Variants in DPYS observed in about 807,000 individuals in gnomAD.
DPYS encodes dihydropyrimidine amidohydrolase.
DPYS carries 39 observed loss-of-function variants against 50.3 expected under a neutral mutation model. That is an observed-to-expected ratio of 0.78 (90% confidence interval 0.60 to 1.01). The LOEUF is 1.01. Ranked by LOEUF, DPYS falls within the 50% of genes least tolerant of loss-of-function variation. The pLI, the probability that DPYS is intolerant of heterozygous loss-of-function variation, is 0.00. For missense variants in DPYS, 659 were observed against 680.9 expected, an observed-to-expected ratio of 0.97 and a Z score of 0.36; for synonymous variants, 245 against 250.7, an observed-to-expected ratio of 0.98 and a Z score of 0.22.
rs543874433 is a variant in DPYS at position 104,445,697 on chromosome 8, A to C, written c.604-1260T>G. 9.2e-5 allele frequency among the ~76,000 whole-genome samples: 14 copies of C among 152,242 alleles called. No individual in the cohort carries two copies. The South Asian group carries it at 2.7e-3, about 29-fold the overall frequency. ...GTTTGTGTGTAAAACAAAAAAAAAG[A>C]AAGAATGAATAAGATCTAGTACTTG... On this transcript the variant is annotated intron_variant, in intron 3 of 9. Transcript: ENST00000351513.
intron 7 of DPYS, among the ~76,000 whole-genome samples, chr8:104,415,796 A>G (rs1287173271): frequency 1.3e-5 from 2 of 152,190 alleles, no homozygotes; most frequent in Non-Finnish European, 2.9e-5. Context: ...TGGGAGACAG[A>G]GTTTTTATAT....
rs573534040 is a variant in DPYS, at chr8:104,450,534, T to C, written c.423+712A>G. ...GTTTCTTCCAAAATTCACACACACA[T>C]TTATGTGGGAGGAAATCAACATATT... is the stretch of plus-strand genomic sequence containing the variant. On this transcript the variant is annotated intron_variant, in intron 2 of 9. Transcript: ENST00000351513. Among the ~76,000 whole-genome samples, 210 of 152,326 alleles carry C rather than the reference T, an allele frequency of 1.4e-3. 1 individual carries two copies. The highest frequency in any genetic ancestry group is 4.7e-3 in the African/African-American group (197 of 41,574).
intron 7 of DPYS, among the ~76,000 whole-genome samples, chr8:104,410,354 C>T (rs1020370634): frequency 1.3e-5 from 2 of 152,104 alleles, no homozygotes; most frequent in African/African-American, 4.8e-5. Flanking sequence ...TTTCCCCAGC[C>T]GACAGGCCTA....
intron 5 of DPYS, 142 bp downstream of exon 5, chr8:104,429,399 TGCAG>T: frequency 1.1e-6 from 1 of 931,702 alleles, no homozygotes; most frequent in South Asian, 1.6e-5. Flanking sequence ...TTTTTTGCTC[TGCAG>T]GTGAGGGGTA....
At chr8:104,418,378 T>G (rs940742018) in intron 7 of DPYS, among the ~76,000 whole-genome samples, 1 of 152,164 alleles carries the variant, frequency 6.6e-6, no homozygotes, top group African/African-American at 2.4e-5. Context: ...CAGCCTGCAT[T>G]TAATGTTAAA....
intron 4 of DPYS, among the ~76,000 whole-genome samples, chr8:104,440,583 C>T (rs201324199): frequency 2.6e-5 from 4 of 151,996 alleles, no homozygotes; most frequent in Non-Finnish European, 4.4e-5. Context: ...ATGGTGAAAC[C>T]CTGTCTCTAC....
Position 104,466,771 on chromosome 8 carries a change from C to T in DPYS, c.150G>A (p.Arg50=). 1 of 1,534,286 alleles carries T rather than the reference C, an allele frequency of 6.5e-7. No individual in the cohort carries two copies. Among genetic ancestry groups the T allele is most frequent in the South Asian group, 1.2e-5 (1 of 83,598 alleles). ...LPPGGAPAGL[R]VLDAAGKLVL... ...CGAGCTTGCCGGCGGCGTCGAGGAC[C>T]CGCAGCCCCGCAGGAGCGCCCCCGG... is the stretch of plus-strand genomic sequence containing the variant. Residue 50 remains arginine, a synonymous_variant, in exon 1 of 10, where the codon CGG becomes CGA. Coordinates refer to ENST00000351513, the MANE Select transcript of DPYS (RefSeq NM_001385.3).
At chr8:104,429,439 A>G in intron 5 of DPYS, 106 bp downstream of exon 5, 2 of 1,490,384 alleles carry the variant, frequency 1.3e-6, no homozygotes, top group South Asian at 2.3e-5. Flanking sequence ...GTCAAGTAGA[A>G]GAGAATACTG....
chr8:104,451,327 G>A lies in DPYS; in HGVS notation c.342C>T (p.Phe114=), dbSNP rs538642538. The A allele has an allele frequency of 3.2e-5, 52 of 1,614,150 alleles. No homozygotes were observed. The highest frequency in any genetic ancestry group is 3.3e-4 in the Middle Eastern group (2 of 6,060). ...PQKGGSLIEA[F]ETWRSWADPK... Reference sequence around the variant, plus strand: ...GATCAGCCCAGCTTCGCCAGGTCTCGAAGGCCTCAATGAGGGAGCCACCTT... The same window carrying A: ...GATCAGCCCAGCTTCGCCAGGTCTCAAAGGCCTCAATGAGGGAGCCACCTT... The change falls in exon 2 of 10, where the codon TTC becomes TTT. Residue 114 remains phenylalanine, a synonymous_variant. Coordinates refer to ENST00000351513, the MANE Select transcript of DPYS (RefSeq NM_001385.3).
chr8:104,432,137 G>C (rs1812976034), intron 4 of DPYS, among the ~76,000 whole-genome samples: 1 of 152,168 alleles, frequency 6.6e-6, no homozygotes, highest in African/African-American at 2.4e-5. Flanking sequence ...TCCTCCCACT[G>C]TCTTAGCAAG....
chr8:104,390,455 C>T (rs1811351302), intron 8 of DPYS, among the ~76,000 whole-genome samples: 1 of 151,490 alleles, frequency 6.6e-6, no homozygotes. Flanking sequence ...GCTTGTGTGA[C>T]TTGGACAAAT....
intron 1 of DPYS, 22 bp from the exon 2 acceptor site, chr8:104,451,426 A>C: frequency 6.2e-7 from 1 of 1,613,834 alleles, no homozygotes; most frequent in South Asian, 1.1e-5. Context: ...AGAGGTTTTC[A>C]ACAAATTAGC....
intron 3 of DPYS, among the ~76,000 whole-genome samples, chr8:104,445,425 A>G (rs905357003): frequency 2.0e-5 from 3 of 152,220 alleles, no homozygotes; most frequent in African/African-American, 4.8e-5. Context: ...ACAAGGGAGT[A>G]CTATTCTGCC....
At chr8:104,426,938 G>A (rs560044426) in intron 6 of DPYS, among the ~76,000 whole-genome samples, 42 of 152,138 alleles carry the variant, frequency 2.8e-4, no homozygotes, top group Non-Finnish European at 5.0e-4. Flanking sequence ...GGTGGCTCAC[G>A]CCTGTCAATC....
intron 2 of DPYS, among the ~76,000 whole-genome samples, chr8:104,450,222 C>T (rs778970848): frequency 7.3e-5 from 11 of 151,682 alleles, no homozygotes; most frequent in Admixed American, 3.9e-4. Context: ...AAAGGAGGGA[C>T]GATCCTAAAA....
At chr8:104,463,790 CA>C (rs1395238374) in intron 1 of DPYS, among the ~76,000 whole-genome samples, 10 of 152,310 alleles carry the variant, frequency 6.6e-5, no homozygotes, top group African/African-American at 2.4e-4. Flanking sequence ...TCTAGCTCCC[CA>C]AAACAAACAC....
At chr8:104,423,651 C>T (rs904007684) in intron 7 of DPYS, among the ~76,000 whole-genome samples, 3 of 152,184 alleles carry the variant, frequency 2.0e-5, no homozygotes, top group Non-Finnish European at 1.5e-5. Flanking sequence ...CCTGTACTAA[C>T]GTCCTATAAG....
intron 7 of DPYS, among the ~76,000 whole-genome samples, chr8:104,409,820 T>C (rs1812113981): frequency 6.6e-6 from 1 of 152,236 alleles, no homozygotes; most frequent in African/African-American, 2.4e-5. Flanking sequence ...ATCTACATTT[T>C]ACTGGGGAGG....
chr8:104,425,158 C>T (rs1292464196), intron 6 of DPYS, among the ~76,000 whole-genome samples: 1 of 151,926 alleles, frequency 6.6e-6, no homozygotes, highest in Non-Finnish European at 1.5e-5. Flanking sequence ...GCTGGCAATG[C>T]TTTTATTATT....
Sources: allele counts gnomAD v4.1 joint callset (sites outside exome capture counted in the v4.1 genomes callset), GRCh38; gene constraint gnomAD v4.1.1; transcripts MANE v1.5; gene names NCBI Gene and HGNC (gene_info 2026-07-23, HGNC 2026-07-21).